CNTN1: variants seen among roughly 807,000 people sequenced by gnomAD.
CNTN1 encodes the protein contactin 1.
In CNTN1, 38 loss-of-function variants were observed where a neutral mutation model predicts 126.4. That is an observed-to-expected ratio of 0.30 (90% confidence interval 0.23 to 0.39). The LOEUF is 0.39. CNTN1 is among the 10% of genes least tolerant of loss of function. The pLI is 1.00. For missense variants in CNTN1, 1,009 were observed against 1,248.4 expected, an observed-to-expected ratio of 0.81 and a Z score of 2.89; for synonymous variants, 413 against 422.6, an observed-to-expected ratio of 0.98 and a Z score of 0.28.
rs555407712 is a variant in CNTN1 at position 40,980,636 on chromosome 12, A to T, written c.1805-273A>T. 2.6e-5 allele frequency among the ~76,000 whole-genome samples: 4 copies of T among 152,308 alleles called. No individual in the cohort carries two copies. The East Asian group carries it at 7.7e-4, about 29-fold the overall frequency. On this transcript the variant is annotated intron_variant, in intron 15 of 23. Coordinates refer to ENST00000551295, the MANE Select transcript of CNTN1 (RefSeq NM_001843.4). ...TAGGTCCCCTTGGTGCCAATTGCAT[A>T]TAATGAGTCAGAGATTACTATATCT...
chr12:40,775,020 G>A (rs966084947), intron 1 of CNTN1, among the ~76,000 whole-genome samples: 1 of 151,188 alleles, frequency 6.6e-6, no homozygotes, highest in Non-Finnish European at 1.5e-5. Flanking sequence ...AATTCAACTG[G>A]CTTAATTTAA....
At chr12:40,720,961 A>AT (rs200729921) in intron 1 of CNTN1, among the ~76,000 whole-genome samples, 11 of 150,742 alleles carry the variant, frequency 7.3e-5, no homozygotes, top group Admixed American at 6.6e-5. Flanking sequence ...ATATATATAT[A>AT]TATGTGTATA....
At chr12:40,701,330 T>G (rs547559477) in intron 1 of CNTN1, among the ~76,000 whole-genome samples, 2 of 152,176 alleles carry the variant, frequency 1.3e-5, no homozygotes, top group Non-Finnish European at 2.9e-5. Flanking sequence ...GGCCAATCAT[T>G]TGAATTTTGA....
intron 1 of CNTN1, among the ~76,000 whole-genome samples, chr12:40,799,558 A>G (rs1940567368): frequency 6.6e-6 from 1 of 151,958 alleles, no homozygotes. Flanking sequence ...GAGAGATAAT[A>G]TTTTCTGAAT....
rs573923461 is a variant in CNTN1 at position 40,943,683 on chromosome 12, A to T, written c.1466A>T (p.Asn489Ile). The T allele has an allele frequency of 5.7e-5, 92 of 1,612,674 alleles. No individual in the cohort carries two copies. Among genetic ancestry groups the T allele is most frequent in the Non-Finnish European group, 7.4e-5 (87 of 1,179,122 alleles). ...ATCTATACATGCTTTGCAGAAAATAACAGAGGGAAAGCTAATAGCACTGGA... is the reference window on the plus strand; with the variant it reads ...ATCTATACATGCTTTGCAGAAAATATCAGAGGGAAAGCTAATAGCACTGGA... Reference protein sequence around the residue: ...GGIYTCFAENNRGKANSTGTL... With the variant: ...GGIYTCFAENIRGKANSTGTL... The change falls in exon 13 of 24, where the codon AAC becomes ATC. Residue 489 changes from asparagine (N) to isoleucine (I), a missense_variant. Physicochemically the swap from Asn to Ile is moderately radical, Grantham distance 149 (BLOSUM62 -3). Transcript: ENST00000551295.
chr12:40,789,198 C>T (rs7302303), intron 1 of CNTN1, among the ~76,000 whole-genome samples: 122,264 of 152,090 alleles, frequency 0.8, 49,446 homozygotes, highest in South Asian at 0.85. Context: ...AAAGTTATTA[C>T]TCTGAGAAGA....
chr12:40,888,175 AAG>A (rs1223108864), intron 1 of CNTN1, among the ~76,000 whole-genome samples: 10 of 150,810 alleles, frequency 6.6e-5, no homozygotes, highest in South Asian at 4.2e-4. Flanking sequence ...AATAATAATA[AAG>A]AGTCTTTTAT....
chr12:40,995,154 C>T (rs538613470), intron 17 of CNTN1, among the ~76,000 whole-genome samples: 21 of 152,156 alleles, frequency 1.4e-4, no homozygotes, highest in Non-Finnish European at 2.6e-4. Context: ...TAATAAATTA[C>T]ATTAAATTAC....
intron 16 of CNTN1, among the ~76,000 whole-genome samples, chr12:40,983,013 T>C (rs1363077735): frequency 2.0e-5 from 3 of 151,854 alleles, no homozygotes; most frequent in East Asian, 1.9e-4. Flanking sequence ...ATGGGTGCAG[T>C]AAACCAACAT....
At chr12:40,946,252 A>T (rs1946429864) in intron 14 of CNTN1, among the ~76,000 whole-genome samples, 1 of 152,140 alleles carries the variant, frequency 6.6e-6, no homozygotes, top group Non-Finnish European at 1.5e-5. Flanking sequence ...TAAATATTTG[A>T]TCCACCTTTT....
At chr12:41,029,850 CTA>C (rs796880632) in intron 23 of CNTN1, among the ~76,000 whole-genome samples, 35 of 152,092 alleles carry the variant, frequency 2.3e-4, no homozygotes, top group African/African-American at 7.0e-4. Context: ...TCTACAAACT[CTA>C]TTTCTCACAC....
chr12:40,903,525 G>C (rs1271412962), intron 1 of CNTN1, among the ~76,000 whole-genome samples: 6 of 151,682 alleles, frequency 4.0e-5, no homozygotes, highest in African/African-American at 1.5e-4. Flanking sequence ...TTCCACATTA[G>C]TAGGATGGGC....
At chr12:40,853,078 A>G (rs1038726123) in intron 1 of CNTN1, among the ~76,000 whole-genome samples, 1 of 152,078 alleles carries the variant, frequency 6.6e-6, no homozygotes, top group South Asian at 2.1e-4. Context: ...AGTATTTTTC[A>G]GCCCTGGTAT....
chr12:40,864,884 A>G (rs1943246384), intron 1 of CNTN1, among the ~76,000 whole-genome samples: 1 of 152,144 alleles, frequency 6.6e-6, no homozygotes, highest in African/African-American at 2.4e-5. Flanking sequence ...TGGTAACTCT[A>G]TTCTTAAATT....
At chr12:40,706,588 G>A (rs989472065) in intron 1 of CNTN1, among the ~76,000 whole-genome samples, 2 of 151,872 alleles carry the variant, frequency 1.3e-5, no homozygotes, top group Non-Finnish European at 2.9e-5. Context: ...CAAACTTATA[G>A]GACCCCTCAA....
chr12:40,731,454 A>C (rs1942498818), intron 1 of CNTN1, among the ~76,000 whole-genome samples: 1 of 152,026 alleles, frequency 6.6e-6, no homozygotes, highest in Admixed American at 6.6e-5. Context: ...CCATTGGTCA[A>C]ATTGAAATGG....
chr12:40,699,759 A>G (rs537901772), intron 1 of CNTN1, among the ~76,000 whole-genome samples: 2 of 90,170 alleles, frequency 2.2e-5, no homozygotes, highest in Non-Finnish European at 2.5e-5. Context: ...ATTTACAGAT[A>G]AAAAAAAAAA....
chr12:40,906,679 G>A (rs73275659), intron 1 of CNTN1, among the ~76,000 whole-genome samples: 1 of 116,058 alleles, frequency 8.6e-6, no homozygotes, highest in Non-Finnish European at 1.8e-5. Context: ...CTTTTTTTTT[G>A]TTTTGTTTTT....
intron 1 of CNTN1, among the ~76,000 whole-genome samples, chr12:40,891,217 G>A (rs1021483237): frequency 2.0e-5 from 3 of 152,028 alleles, no homozygotes; most frequent in Non-Finnish European, 4.4e-5. Context: ...TGAGTTGTTT[G>A]TATTCCTATT....
Sources: gnomAD v4.1 joint callset for allele counts (sites outside exome capture counted in the v4.1 genomes callset) on GRCh38, gnomAD v4.1.1 for gene constraint, MANE v1.5 for transcripts, NCBI Gene and HGNC (gene_info 2026-07-23, HGNC 2026-07-21) for gene names.